Variants in INSYN2B observed in about 807,000 individuals in gnomAD.
INSYN2B encodes protein INSYN2B.
In INSYN2B, 16 loss-of-function variants were observed where a neutral mutation model predicts 41.2. That is an observed-to-expected ratio of 0.39 (90% CI 0.26 to 0.59). The LOEUF is 0.59. Among genes scored for constraint, INSYN2B ranks in the 20% least tolerant of loss-of-function variants. INSYN2B has a pLI of 0.57. For synonymous variants in INSYN2B, 245 were observed against 244.4 expected (o/e 1.00, Z -0.02); for missense variants, 608 against 646.4 (o/e 0.94, Z 0.64).
At chr5:169,926,167 C>T (rs1260471009) in intron 1 of INSYN2B, among the ~76,000 whole-genome samples, 1 of 152,128 alleles carries the variant, frequency 6.6e-6, no homozygotes, top group East Asian at 1.9e-4. Flanking sequence ...GTAGGAGTTC[C>T]TATAGTCGGC....
intron 1 of INSYN2B, among the ~76,000 whole-genome samples, chr5:169,918,330 C>A (rs1181650902): frequency 6.6e-6 from 1 of 152,074 alleles, no homozygotes; most frequent in African/African-American, 2.4e-5. Context: ...TATATATAAC[C>A]CAGCGATTCT....
intron 3 of INSYN2B, among the ~76,000 whole-genome samples, chr5:169,867,419 G>A (rs1771639562): frequency 6.8e-6 from 1 of 146,732 alleles, no homozygotes; most frequent in Non-Finnish European, 1.5e-5. Flanking sequence ...CTGTCTGTCT[G>A]TCTGTCTGTC....
chr5:169,955,599 C>T (rs1363169549), intron 1 of INSYN2B, among the ~76,000 whole-genome samples: 2 of 152,124 alleles, frequency 1.3e-5, no homozygotes, highest in African/African-American at 4.8e-5. Context: ...TCCACCTGGT[C>T]CTTAAGGTTC....
intron 1 of INSYN2B, among the ~76,000 whole-genome samples, chr5:169,978,917 G>A (rs1777836098): frequency 6.6e-6 from 1 of 152,132 alleles, no homozygotes; most frequent in African/African-American, 2.4e-5. Flanking sequence ...CAATCGGAGC[G>A]AGGTGACACT....
intron 1 of INSYN2B, among the ~76,000 whole-genome samples, chr5:169,971,904 C>T (rs948494893): frequency 6.6e-6 from 1 of 152,170 alleles, no homozygotes; most frequent in African/African-American, 2.4e-5. Flanking sequence ...CCACTTTCCT[C>T]ATCCTGTTCC....
intron 1 of INSYN2B, among the ~76,000 whole-genome samples, chr5:169,972,529 A>T (rs929524064): frequency 6.7e-6 from 1 of 149,900 alleles, no homozygotes; most frequent in Admixed American, 6.6e-5. Flanking sequence ...CCCAGTTAAG[A>T]GCCACTGTGA....
rs1044576164 is a variant in INSYN2B at position 169,862,512 on chromosome 5, A to C, written c.*1761T>G. Among the ~76,000 whole-genome samples the C allele has an allele frequency of 6.6e-6, 1 of 152,160 alleles. No individual in the cohort carries two copies. The highest frequency in any genetic ancestry group is 2.4e-5 in the African/African-American group (1 of 41,426). On this transcript the variant is annotated 3_prime_UTR_variant, in exon 4 of 4. Transcript: ENST00000377365. ...GTTGATCGTATGGATACAGGAAAAA[A>C]AAAATCTGTGGCTTTTAGCCAGTGG...
intron 1 of INSYN2B, among the ~76,000 whole-genome samples, chr5:169,929,697 G>T (rs1775649335): frequency 6.7e-6 from 1 of 149,522 alleles, no homozygotes; most frequent in Non-Finnish European, 1.5e-5. Flanking sequence ...AGCCAAGAGG[G>T]GATCACTGCA....
chr5:169,970,588 C>CGTTCA (rs1561858361), intron 1 of INSYN2B, among the ~76,000 whole-genome samples: 1 of 152,214 alleles, frequency 6.6e-6, no homozygotes, highest in African/African-American at 2.4e-5. Flanking sequence ...CCCATCTGTG[C>CGTTCA]TGCAGGGAGG....
intron 1 of INSYN2B, among the ~76,000 whole-genome samples, chr5:169,952,683 G>A (rs1282113373): frequency 4.6e-5 from 7 of 152,134 alleles, no homozygotes; most frequent in Non-Finnish European, 7.3e-5. Context: ...TCCTAATCCC[G>A]TGGATATCAT....
chr5:169,897,857 T>G (rs1773702244), intron 1 of INSYN2B, among the ~76,000 whole-genome samples: 1 of 152,048 alleles, frequency 6.6e-6, no homozygotes, highest in African/African-American at 2.4e-5. Flanking sequence ...AATAGAGGAG[T>G]GGACTCTCAA....
At chr5:169,975,177 AC>A (rs1777672955) in intron 1 of INSYN2B, among the ~76,000 whole-genome samples, 1 of 152,236 alleles carries the variant, frequency 6.6e-6, no homozygotes, top group Non-Finnish European at 1.5e-5. Flanking sequence ...AAGAGTGACA[AC>A]CATCAGGAAT....
chr5:169,902,965 GCA>G (rs1774016561), intron 1 of INSYN2B, among the ~76,000 whole-genome samples: 1 of 152,102 alleles, frequency 6.6e-6, no homozygotes, highest in Non-Finnish European at 1.5e-5. Context: ...GGGTGTGGTG[GCA>G]CATGCCTGTA....
chr5:169,976,085 A>G (rs1183997588), intron 1 of INSYN2B, among the ~76,000 whole-genome samples: 1 of 152,198 alleles, frequency 6.6e-6, no homozygotes, highest in Non-Finnish European at 1.5e-5. Context: ...TCCCTATAAC[A>G]TTCTTTTGGA....
At chr5:169,957,403 C>T (rs1040901600) in intron 1 of INSYN2B, among the ~76,000 whole-genome samples, 9 of 152,182 alleles carry the variant, frequency 5.9e-5, no homozygotes, top group Admixed American at 5.2e-4. Context: ...ACGTAATAGG[C>T]ACTCAACCAA....
At chr5:169,965,077 C>T (rs188997060) in intron 1 of INSYN2B, among the ~76,000 whole-genome samples, 210 of 152,314 alleles carry the variant, frequency 1.4e-3, no homozygotes, top group African/African-American at 4.7e-3. Flanking sequence ...ACTTGCTGTG[C>T]TAGGGGCCCA....
In INSYN2B at chr5:169,974,386, T is replaced by C. The variant is rs188307918; in HGVS notation, c.-919+5891A>G. Among the ~76,000 whole-genome samples the C allele has an allele frequency of 2.2e-4, 34 of 152,372 alleles. 1 individual carries two copies. The East Asian group carries it at 5.2e-3, about 23-fold the overall frequency. ...CTAACTTCTCTTTCTTCTGGTTTTT[T>C]CTTCCTTTGTTATGGCCCTATAAAA... On this transcript the variant is annotated intron_variant, in intron 1 of 3. Coordinates refer to ENST00000377365, the MANE Select transcript of INSYN2B (RefSeq NM_001129891.3).
intron 1 of INSYN2B, among the ~76,000 whole-genome samples, chr5:169,927,395 G>A (rs537922433): frequency 1.3e-4 from 20 of 152,292 alleles, no homozygotes; most frequent in Non-Finnish European, 2.8e-4. Context: ...CCCTAGAGAT[G>A]GGGACCTTCT....
intron 1 of INSYN2B, among the ~76,000 whole-genome samples, chr5:169,958,148 G>A (rs751829160): frequency 6.6e-6 from 1 of 152,068 alleles, no homozygotes; most frequent in Non-Finnish European, 1.5e-5. Flanking sequence ...CACAGTCTTT[G>A]TCAACTTGAT....
Sources: allele counts gnomAD v4.1 joint callset (sites outside exome capture counted in the v4.1 genomes callset), GRCh38; gene constraint gnomAD v4.1.1; transcripts MANE v1.5; gene names NCBI Gene and HGNC (gene_info 2026-07-23, HGNC 2026-07-21).